The following CTBP2 variants were observed in gnomAD, a reference collection of about 807,000 sequenced individuals.
CTBP2 encodes the protein C-terminal binding protein 2.
In CTBP2, 30 loss-of-function variants were observed where a neutral mutation model predicts 80.3. That is an observed-to-expected ratio of 0.37 (90% CI 0.28 to 0.51). The LOEUF (loss-of-function observed/expected upper bound fraction) is 0.51, where lower values mean the gene tolerates loss of function less well. CTBP2 is among the 20% of genes least tolerant of loss of function. The probability of loss-of-function intolerance (pLI) is 0.93; values close to 1 mark genes in which losing one functional copy is unlikely to be tolerated. For missense variants in CTBP2, 1,212 were observed against 1,375.3 expected, an observed-to-expected ratio of 0.88 and a Z score of 1.88; for synonymous variants, 594 against 587.4, an observed-to-expected ratio of 1.01 and a Z score of -0.16.
chr10:125,003,455 G>A lies in CTBP2; in HGVS notation c.1716C>T (p.Pro572=), dbSNP rs1182983513. 1 of 1,580,324 alleles carries A rather than the reference G, an allele frequency of 6.3e-7. No homozygotes were observed. The highest frequency in any genetic ancestry group is 8.6e-7 in the Non-Finnish European group (1 of 1,167,876). The change falls in exon 2 of 9, where the codon CCC becomes CCT. Residue 572 remains proline (P), a synonymous_variant. Transcript: ENST00000309035. Reference sequence around the variant, plus strand: ...CGTCCAGCAGCGCCACCAGGGGGCGGGGGTGCAGGGGGCCGTTCATGATCT... The same window carrying A: ...CGTCCAGCAGCGCCACCAGGGGGCGAGGGTGCAGGGGGCCGTTCATGATCT...
chr10:125,062,334 GT>G (rs1050807892), intron 2 of CTBP2, among the ~76,000 whole-genome samples: 40 of 152,184 alleles, frequency 2.6e-4, no homozygotes, highest in African/African-American at 9.6e-4. Context: ...AGAAGCTAGG[GT>G]TTACTGTATA....
chr10:125,065,371 T>C (rs1025221312), intron 2 of CTBP2, among the ~76,000 whole-genome samples: 1 of 152,232 alleles, frequency 6.6e-6, no homozygotes, highest in African/African-American at 2.4e-5. Flanking sequence ...TTTTAAAAAA[T>C]TGAAAACAAC....
At chr10:125,031,421 G>A (rs1488833712), upstream of CTBP2, among the ~76,000 whole-genome samples, 1 of 141,186 alleles carries the variant, frequency 7.1e-6, no homozygotes, top group Non-Finnish European at 1.5e-5. Flanking sequence ...CCCGGGAGGT[G>A]CAGGTTGCAG....
chr10:125,054,673 T>G (rs1271818237), intron 2 of CTBP2, among the ~76,000 whole-genome samples: 1 of 152,188 alleles, frequency 6.6e-6, no homozygotes, highest in Non-Finnish European at 1.5e-5. Context: ...TTACACAAAC[T>G]ATCACACTGA....
At position 125,038,737 on chromosome 10, in the gene CTBP2, A is replaced by G. The variant is rs188268357; in HGVS notation, c.58+260T>C. Among the ~76,000 whole-genome samples the G allele has an allele frequency of 7.2e-5, 11 of 152,334 alleles. No homozygotes were observed. In the East Asian group the frequency reaches 7.7e-4, roughly 11 times the overall value. ...TGCAAAATAACCTTAGGTACATGGA[A>G]GACATAGACCTCAGGGCCCACCAGC... On this transcript the variant is annotated intron_variant, in intron 3 of 10. Transcript: ENST00000337195.
chr10:125,025,963 T>TG, intron 1 of CTBP2: 1 of 857,714 alleles, frequency 1.2e-6, no homozygotes, highest in Non-Finnish European at 1.6e-6. Flanking sequence ...TGTTTGGTGG[T>TG]GTGTGTGTGT....
At chr10:125,106,988 C>T (rs1439549954) in intron 2 of CTBP2, among the ~76,000 whole-genome samples, 6 of 152,230 alleles carry the variant, frequency 3.9e-5, no homozygotes. Flanking sequence ...GGAGGCCACA[C>T]TAGGTTGCTG....
chr10:125,135,338 G>A (rs1037022484), intron 1 of CTBP2, among the ~76,000 whole-genome samples: 4 of 152,098 alleles, frequency 2.6e-5, no homozygotes, highest in Non-Finnish European at 5.9e-5. Flanking sequence ...CCATCTGAGG[G>A]CTCCGAAAAA....
intron 1 of CTBP2, among the ~76,000 whole-genome samples, chr10:125,025,051 G>A (rs1008634233): frequency 3.9e-5 from 6 of 152,188 alleles, no homozygotes; most frequent in African/African-American, 1.4e-4. Context: ...GGGTTGTGAG[G>A]TCCAGCGCCT....
chr10:125,113,787 C>T (rs1399525671), intron 1 of CTBP2, among the ~76,000 whole-genome samples: 1 of 152,192 alleles, frequency 6.6e-6, no homozygotes, highest in Non-Finnish European at 1.5e-5. Context: ...ATAGACAAGT[C>T]TGCCTTGTAG....
At chr10:125,033,413 C>T (rs960981776) in intron 3 of CTBP2, among the ~76,000 whole-genome samples, 5 of 151,998 alleles carry the variant, frequency 3.3e-5, no homozygotes, top group African/African-American at 1.2e-4. Flanking sequence ...TAGTAGCAAG[C>T]GAGCCAAGTG....
intron 2 of CTBP2, among the ~76,000 whole-genome samples, chr10:125,077,839 G>C (rs549899767): frequency 6.6e-6 from 1 of 152,246 alleles, no homozygotes; most frequent in Non-Finnish European, 1.5e-5. Flanking sequence ...CCACCATTTG[G>C]AGTCTGTTCT....
intron 2 of CTBP2, among the ~76,000 whole-genome samples, chr10:125,056,306 T>A (rs1262458049): frequency 6.6e-6 from 1 of 152,210 alleles, no homozygotes; most frequent in African/African-American, 2.4e-5. Flanking sequence ...ACACAATGCA[T>A]AAGCAGCCAG....
rs1196826504 is a variant in CTBP2, at chr10:125,017,620, C to T, written c.1678+8462G>A. Among the ~76,000 whole-genome samples the T allele has an allele frequency of 2.0e-5, 3 of 152,248 alleles. No homozygotes were observed. The East Asian group carries it at 5.8e-4, about 29-fold the overall frequency. ...TTATGACCAAAGAACATTTTACATT[C>T]CATTTAATCACACAAAAGAATGGCA... On this transcript the variant is annotated intron_variant, in intron 1 of 8. Transcript: ENST00000309035.
chr10:125,042,258 A>G (rs11598868), intron 2 of CTBP2, among the ~76,000 whole-genome samples: 13,279 of 152,304 alleles, frequency 0.087, 784 homozygotes, highest in Admixed American at 0.17. Context: ...ACCATCTTCC[A>G]ATGACAGCCA....
chr10:125,104,165 G>T (rs1160163785), intron 2 of CTBP2, among the ~76,000 whole-genome samples: 2 of 152,184 alleles, frequency 1.3e-5, no homozygotes, highest in Non-Finnish European at 2.9e-5. Context: ...GGAGCTGACT[G>T]GATGCTCACG....
chr10:125,078,276 T>C (rs1361819766), intron 2 of CTBP2, among the ~76,000 whole-genome samples: 4 of 102,978 alleles, frequency 3.9e-5, no homozygotes, highest in Non-Finnish European at 7.2e-5. Flanking sequence ...CGAGACTCCG[T>C]CTCAAAAAAA....
At chr10:125,072,596 A>ACAGAGTG (rs1381031328) in intron 2 of CTBP2, among the ~76,000 whole-genome samples, 29 of 145,918 alleles carry the variant, frequency 2.0e-4, no homozygotes, top group African/African-American at 6.9e-4. Context: ...AGCCTGGACA[A>ACAGAGTG]CAGAGTGCAG....
At chr10:125,006,245 A>C (rs936554069) in intron 1 of CTBP2, among the ~76,000 whole-genome samples, 3 of 151,836 alleles carry the variant, frequency 2.0e-5, no homozygotes, top group Non-Finnish European at 4.4e-5. Flanking sequence ...GCAAGGCGGG[A>C]AAAGAGAAAA....
Sources: gnomAD v4.1 joint callset for allele counts (sites outside exome capture counted in the v4.1 genomes callset) on GRCh38, gnomAD v4.1.1 for gene constraint, MANE v1.5 for transcripts, NCBI Gene and HGNC (gene_info 2026-07-23, HGNC 2026-07-21) for gene names.